The following ZFTRAF1 variants were observed in gnomAD, a reference collection of about 807,000 sequenced individuals.
ZFTRAF1 encodes the protein zinc finger TRAF-type and ring finger containing 1, also known as zinc finger TRAF-type-containing protein 1.
chr8:144,450,071 C>T, the ZFTRAF1 span: 134 of 406,934 alleles, frequency 3.3e-4, no homozygotes, highest in East Asian at 7.0e-4. Context: ...GGGGCAGGGT[C>T]GCTGTGCCTC....
At chr8:144,458,489 G>A in the ZFTRAF1 span, among the ~76,000 whole-genome samples, 1 of 152,194 alleles carries the variant, frequency 6.6e-6, no homozygotes, top group Non-Finnish European at 1.5e-5. Context: ...CTGGGGAAGA[G>A]GGGCCCGAAG....
chr8:144,462,330 G>A, the ZFTRAF1 span: 2 of 546,518 alleles, frequency 3.7e-6, no homozygotes, highest in Non-Finnish European at 6.6e-6. Context: ...GTGCAGCACA[G>A]CACCGAGTAG....
At chr8:144,459,944 A>G in the ZFTRAF1 span, among the ~76,000 whole-genome samples, 1 of 152,212 alleles carries the variant, frequency 6.6e-6, no homozygotes, top group Non-Finnish European at 1.5e-5. Context: ...CTAGTAGAAT[A>G]TGGTAGACTG....
the ZFTRAF1 span, among the ~76,000 whole-genome samples, chr8:144,452,773 G>A: frequency 6.6e-6 from 1 of 152,234 alleles, no homozygotes; most frequent in South Asian, 2.1e-4. Flanking sequence ...AGAGGGGAAG[G>A]AAGAGTGCAA....
the ZFTRAF1 span, among the ~76,000 whole-genome samples, chr8:144,458,547 T>C: frequency 1.3e-5 from 2 of 152,166 alleles, no homozygotes; most frequent in African/African-American, 2.4e-5. Context: ...GACTGCACAC[T>C]GTTGGCCTGG....
At chr8:144,452,546 G>A in the ZFTRAF1 span, 4 of 1,538,466 alleles carry the variant, frequency 2.6e-6, no homozygotes, top group Admixed American at 7.8e-5. Flanking sequence ...GGCAGCCGAT[G>A]CGTTTGTACT....
At chr8:144,462,295 G>A in the ZFTRAF1 span, 1,141 of 596,534 alleles carry the variant, frequency 1.9e-3, 19 homozygotes, top group East Asian at 0.031. Context: ...GGTACACGGA[G>A]GCCTTGGGCA....
chr8:144,458,541 G>A, the ZFTRAF1 span, among the ~76,000 whole-genome samples: 2 of 152,174 alleles, frequency 1.3e-5, no homozygotes, highest in Non-Finnish European at 2.9e-5. Flanking sequence ...CCCCAGGACT[G>A]CACACTGTTG....
chr8:144,453,111 C>T, the ZFTRAF1 span: 1 of 981,794 alleles, frequency 1.0e-6, no homozygotes, highest in South Asian at 1.6e-5. Context: ...TCCCCAAGGC[C>T]CAGACAGCAG....
the ZFTRAF1 span, chr8:144,452,249 G>T: frequency 1.5e-5 from 19 of 1,238,902 alleles, no homozygotes; most frequent in Non-Finnish European, 2.2e-5. Context: ...GAGCCCGGCT[G>T]TCCGGCGCTG....
chr8:144,458,324 GA>G, the ZFTRAF1 span, among the ~76,000 whole-genome samples: 1 of 152,228 alleles, frequency 6.6e-6, no homozygotes, highest in African/African-American at 2.4e-5. Context: ...AACCACCACA[GA>G]AAACAAAAAT....
At chr8:144,450,438 T>C in the ZFTRAF1 span, 1 of 717,958 alleles carries the variant, frequency 1.4e-6, no homozygotes, top group Non-Finnish European at 2.6e-6. Context: ...GCCAGCAGCT[T>C]GTTGCACTCC....
the ZFTRAF1 span, chr8:144,454,092 C>A: frequency 6.6e-6 from 1 of 152,508 alleles, no homozygotes; most frequent in Admixed American, 6.5e-5. Flanking sequence ...ACAGGGAGTG[C>A]CTGGGGAGCA....
chr8:144,458,357 G>A, the ZFTRAF1 span, among the ~76,000 whole-genome samples: 2 of 152,224 alleles, frequency 1.3e-5, no homozygotes, highest in African/African-American at 4.8e-5. Flanking sequence ...AGAGATTCCA[G>A]AACATCTTCC....
At chr8:144,454,375 T>G in the ZFTRAF1 span, 2 of 152,462 alleles carry the variant, frequency 1.3e-5, no homozygotes, top group East Asian at 3.9e-4. Context: ...CAAAGCCTTT[T>G]GTACCTGAGC....
At chr8:144,453,164 T>C in the ZFTRAF1 span, 1 of 1,462,740 alleles carries the variant, frequency 6.8e-7, no homozygotes, top group Non-Finnish European at 9.3e-7. Context: ...TGCACCAGGG[T>C]GGGCTCCCAG....
At chr8:144,452,557 T>G in the ZFTRAF1 span, 1 of 1,537,362 alleles carries the variant, frequency 6.5e-7, no homozygotes, top group Non-Finnish European at 8.7e-7. Flanking sequence ...CGTTTGTACT[T>G]GCACTGGGTT....
the ZFTRAF1 span, chr8:144,462,577 G>T: frequency 7.3e-6 from 1 of 137,164 alleles, no homozygotes; most frequent in South Asian, 2.0e-4. Context: ...CTCCGACCCC[G>T]ACCCCGACCC....
At chr8:144,462,156 G>A in the ZFTRAF1 span, 3 of 369,612 alleles carry the variant, frequency 8.1e-6, no homozygotes, top group African/African-American at 6.5e-5. Context: ...TGGCTGTAAG[G>A]GCCAGAGAGG....
Sources: allele counts gnomAD v4.1 joint callset (sites outside exome capture counted in the v4.1 genomes callset), GRCh38; gene constraint gnomAD v4.1.1; transcripts MANE v1.5; gene names NCBI Gene and HGNC (gene_info 2026-07-23, HGNC 2026-07-21).